AGBL4: variants seen among roughly 807,000 people sequenced by gnomAD.
AGBL4 encodes the protein AGBL carboxypeptidase 4, also known as cytosolic carboxypeptidase 6.
AGBL4 carries 58 observed loss-of-function variants against 66.4 expected under a neutral mutation model. That is an observed-to-expected ratio of 0.87 (90% CI 0.71 to 1.09). The LOEUF (loss-of-function observed/expected upper bound fraction) is 1.09, where lower values mean the gene tolerates loss of function less well. Among genes scored for constraint, AGBL4 ranks in the 50% least tolerant of loss-of-function variants. AGBL4 has a pLI of 0.00. For missense variants in AGBL4, 579 were observed against 631.0 expected (o/e 0.92, Z 0.88); for synonymous variants, 234 against 222.9 (o/e 1.05, Z -0.44).
intron 3 of AGBL4, among the ~76,000 whole-genome samples, chr1:49,588,584 A>G (rs570435791): frequency 4.8e-4 from 73 of 152,110 alleles, no homozygotes; most frequent in African/African-American, 1.7e-3. Flanking sequence ...TTAATGTAAA[A>G]CTCCCCAGCC....
At chr1:49,648,468 G>C (rs939634520) in intron 3 of AGBL4, among the ~76,000 whole-genome samples, 1 of 151,980 alleles carries the variant, frequency 6.6e-6, no homozygotes, top group Non-Finnish European at 1.5e-5. Context: ...ATGACTAAGA[G>C]TTCTCCCAAA....
chr1:49,689,348 T>A (rs1248539406), intron 3 of AGBL4, among the ~76,000 whole-genome samples: 1 of 152,212 alleles, frequency 6.6e-6, no homozygotes, highest in East Asian at 1.9e-4. Context: ...CCAATGTATA[T>A]TCTTGGCACT....
chr1:49,248,439 C>T (rs1651807205), intron 3 of AGBL4, among the ~76,000 whole-genome samples: 1 of 152,082 alleles, frequency 6.6e-6, no homozygotes, highest in Non-Finnish European at 1.5e-5. Context: ...TATTTGTCAC[C>T]TCTTGTTTAC....
chr1:48,658,694 G>A (rs573839424), intron 7 of AGBL4, among the ~76,000 whole-genome samples: 12 of 37,412 alleles, frequency 3.2e-4, no homozygotes, highest in Non-Finnish European at 6.1e-4. Context: ...TTGGGATAGC[G>A]AGAAGAGGAA....
intron 1 of AGBL4, among the ~76,000 whole-genome samples, chr1:49,867,345 A>T (rs1182025261): frequency 6.7e-6 from 1 of 149,032 alleles, no homozygotes; most frequent in Non-Finnish European, 1.5e-5. Context: ...ATATATATAT[A>T]TTTGTTTATT....
intron 3 of AGBL4, among the ~76,000 whole-genome samples, chr1:49,443,098 C>T (rs1646071880): frequency 6.6e-6 from 1 of 152,044 alleles, no homozygotes; most frequent in African/African-American, 2.4e-5. Flanking sequence ...CTATTCACAT[C>T]CTTTGTCCAC....
chr1:48,964,395 T>C (rs1658251149), intron 5 of AGBL4, among the ~76,000 whole-genome samples: 3 of 152,196 alleles, frequency 2.0e-5, no homozygotes, highest in Non-Finnish European at 4.4e-5. Context: ...ATCATAGTTA[T>C]ACCTTTAACA....
At chr1:49,607,271 A>C (rs1645077777) in intron 3 of AGBL4, among the ~76,000 whole-genome samples, 1 of 152,076 alleles carries the variant, frequency 6.6e-6, no homozygotes, top group South Asian at 2.1e-4. Flanking sequence ...ATTTGGCTAA[A>C]CTGCTAGTTT....
chr1:49,606,732 G>C (rs752645182), intron 3 of AGBL4, among the ~76,000 whole-genome samples: 2 of 152,054 alleles, frequency 1.3e-5, no homozygotes, highest in African/African-American at 2.4e-5. Flanking sequence ...ATATATCCAA[G>C]ATGACACAGG....
chr1:49,326,996 C>T (rs1283546583), intron 3 of AGBL4, among the ~76,000 whole-genome samples: 3 of 152,112 alleles, frequency 2.0e-5, no homozygotes, highest in Non-Finnish European at 4.4e-5. Flanking sequence ...TGGCTTGTGG[C>T]TCCTTCTATC....
At chr1:48,579,146 T>C (rs1644697972) in intron 11 of AGBL4, among the ~76,000 whole-genome samples, 1 of 152,100 alleles carries the variant, frequency 6.6e-6, no homozygotes, top group African/African-American at 2.4e-5. Flanking sequence ...GCTCAAAATA[T>C]CCCCCTCTCC....
intron 3 of AGBL4, among the ~76,000 whole-genome samples, chr1:49,585,934 CT>C (rs1302446765): frequency 2.0e-5 from 3 of 152,094 alleles, no homozygotes; most frequent in Non-Finnish European, 4.4e-5. Flanking sequence ...TTTTTCCCCC[CT>C]GAATATTCTG....
chr1:49,756,137 T>C lies in AGBL4; in HGVS notation c.158-58700A>G, dbSNP rs373309185. Among the ~76,000 whole-genome samples the C allele has an allele frequency of 1.4e-3, 211 of 152,286 alleles. 1 individual carries two copies. The highest frequency in any genetic ancestry group is 4.8e-3 in the African/African-American group (198 of 41,582). On this transcript the variant is annotated intron_variant, in intron 2 of 13. Coordinates refer to ENST00000371839, the MANE Select transcript of AGBL4 (RefSeq NM_032785.4). Reference sequence around the variant, plus strand: ...GAAATATCAATATAATTGCCTGTTATATGGCTTTTAAATAAGATATTTTGA... The same window carrying C: ...GAAATATCAATATAATTGCCTGTTACATGGCTTTTAAATAAGATATTTTGA...
In AGBL4 at chr1:49,323,783, A is replaced by G. The variant is rs550193527; in HGVS notation, c.283-77919T>C. ...GGCCCCGTTTCAGAAAAAAAAAAAA[A>G]GCCCCTAAGGCCTGGCAAACTCCCA... is the stretch of plus-strand genomic sequence containing the variant. On this transcript the variant is annotated intron_variant, in intron 3 of 13. Coordinates refer to ENST00000371839, the MANE Select transcript of AGBL4 (RefSeq NM_032785.4). Among the ~76,000 whole-genome samples the G allele has an allele frequency of 1.6e-4, 25 of 151,534 alleles. No homozygotes were observed. In the South Asian group the frequency reaches 5.2e-3, roughly 32 times the overall value.
chr1:49,381,512 T>A (rs889750232), intron 3 of AGBL4, among the ~76,000 whole-genome samples: 4 of 152,112 alleles, frequency 2.6e-5, no homozygotes, highest in Admixed American at 6.6e-5. Flanking sequence ...ACCCAAAGGA[T>A]TATAAATCAT....
intron 3 of AGBL4, among the ~76,000 whole-genome samples, chr1:49,509,449 G>A (rs1026096673): frequency 6.6e-5 from 10 of 151,736 alleles, no homozygotes; most frequent in African/African-American, 2.4e-4. Context: ...ATTTTTTACA[G>A]CTATTTAATC....
chr1:49,646,798 G>A (rs1170512146), intron 3 of AGBL4, among the ~76,000 whole-genome samples: 1 of 151,932 alleles, frequency 6.6e-6, no homozygotes, highest in Admixed American at 6.6e-5. Flanking sequence ...AATATTCAAA[G>A]CAGTGTGGTA....
chr1:49,589,926 G>A (rs1644721404), intron 3 of AGBL4, among the ~76,000 whole-genome samples: 1 of 151,954 alleles, frequency 6.6e-6, no homozygotes, highest in South Asian at 2.1e-4. Context: ...CTCTTACTTG[G>A]TAGGCTTACT....
At chr1:49,506,816 A>G (rs1648731300) in intron 3 of AGBL4, among the ~76,000 whole-genome samples, 1 of 152,044 alleles carries the variant, frequency 6.6e-6, no homozygotes, top group Admixed American at 6.6e-5. Flanking sequence ...TGCAAAGCCC[A>G]TCTATAAAAA....
Sources: gnomAD v4.1 joint callset for allele counts (sites outside exome capture counted in the v4.1 genomes callset) on GRCh38, gnomAD v4.1.1 for gene constraint, MANE v1.5 for transcripts, NCBI Gene and HGNC (gene_info 2026-07-23, HGNC 2026-07-21) for gene names.